COL8A1: variants seen among roughly 807,000 people sequenced by gnomAD.
The protein encoded by COL8A1 is collagen alpha-1(VIII) chain.
A neutral mutation model predicts 42.7 loss-of-function variants in COL8A1; 21 were observed. That is an observed-to-expected ratio of 0.49 (90% CI 0.35 to 0.71). COL8A1 has a LOEUF of 0.71. Among genes scored for constraint, COL8A1 ranks in the 30% least tolerant of loss-of-function variants. The pLI is 0.01. For synonymous variants in COL8A1, 367 were observed against 369.1 expected (o/e 0.99, Z 0.06); for missense variants, 788 against 962.4 (o/e 0.82, Z 2.40).
At chr3:99,649,899 G>A (rs902964211) in intron 1 of COL8A1, among the ~76,000 whole-genome samples, 8 of 152,012 alleles carry the variant, frequency 5.3e-5, no homozygotes, top group Admixed American at 1.3e-4. Flanking sequence ...TATTAATATT[G>A]GTGCTCCATA....
chr3:99,649,185 C>T (rs1937755896), intron 1 of COL8A1, among the ~76,000 whole-genome samples: 1 of 152,030 alleles, frequency 6.6e-6, no homozygotes, highest in Non-Finnish European at 1.5e-5. Context: ...CAAGCTGCCT[C>T]GTGGATCTCC....
At chr3:99,681,602 C>T (rs1938884491) in intron 1 of COL8A1, among the ~76,000 whole-genome samples, 1 of 152,176 alleles carries the variant, frequency 6.6e-6, no homozygotes, top group South Asian at 2.1e-4. Flanking sequence ...AGACCAGCTG[C>T]TCTCTATTTC....
chr3:99,732,670 C>G (rs969766521), intron 1 of COL8A1, among the ~76,000 whole-genome samples: 1 of 152,068 alleles, frequency 6.6e-6, no homozygotes, highest in Non-Finnish European at 1.5e-5. Context: ...CAAACCATAT[C>G]ATTCTGCCCC....
At chr3:99,793,900 T>C (rs956139565) in intron 3 of COL8A1, among the ~76,000 whole-genome samples, 12 of 152,208 alleles carry the variant, frequency 7.9e-5, no homozygotes, top group Admixed American at 2.0e-4. Flanking sequence ...TACAGGCATG[T>C]GCCACCACAC....
chr3:99,642,140 C>G (rs147360515), intron 1 of COL8A1, among the ~76,000 whole-genome samples: 2 of 152,278 alleles, frequency 1.3e-5, no homozygotes, highest in East Asian at 3.9e-4. Flanking sequence ...TATTAAACTT[C>G]CCCTTTCTAG....
intron 2 of COL8A1, among the ~76,000 whole-genome samples, chr3:99,749,243 C>G (rs1263543590): frequency 1.3e-5 from 2 of 151,598 alleles, no homozygotes; most frequent in Non-Finnish European, 2.9e-5. Context: ...GGCTCAAGTA[C>G]CATGCTAAGA....
intron 1 of COL8A1, among the ~76,000 whole-genome samples, chr3:99,713,018 G>A (rs1193143706): frequency 2.0e-5 from 3 of 152,118 alleles, no homozygotes; most frequent in Admixed American, 6.6e-5. Context: ...TGCAATGTGA[G>A]CAAGGTGGAA....
intron 2 of COL8A1, among the ~76,000 whole-genome samples, chr3:99,765,497 A>G (rs1941447146): frequency 6.6e-6 from 1 of 152,212 alleles, no homozygotes; most frequent in African/African-American, 2.4e-5. Flanking sequence ...AAGTATATGC[A>G]CCAGTCTAAT....
chr3:99,660,179 C>T (rs185361429), intron 1 of COL8A1, among the ~76,000 whole-genome samples: 4 of 152,112 alleles, frequency 2.6e-5, no homozygotes, highest in East Asian at 1.9e-4. Flanking sequence ...AAAGTTCCAG[C>T]GGGGAAAGAA....
intron 1 of COL8A1, among the ~76,000 whole-genome samples, chr3:99,718,023 G>C (rs964459984): frequency 6.6e-6 from 1 of 151,812 alleles, no homozygotes; most frequent in Non-Finnish European, 1.5e-5. Flanking sequence ...TTCCCCAAAT[G>C]CACAATAATC....
Position 99,708,441 on chromosome 3 carries a change from C to T in COL8A1, c.-128-36456C>T, listed in dbSNP as rs1266423039. Among the ~76,000 whole-genome samples the T allele has an allele frequency of 5.9e-5, 9 of 152,298 alleles. No individual in the cohort carries two copies. The South Asian group carries it at 1.7e-3, about 28-fold the overall frequency. The stretch of plus-strand genomic sequence containing the variant: ...AAAGCTAAGACACTCACTTCTCTAA[C>T]TTGGCCCATTGGCTTGCCTTGCCAG... On this transcript the variant is annotated intron_variant, in intron 1 of 3. Coordinates refer to ENST00000652472, the MANE Select transcript of COL8A1 (RefSeq NM_020351.4).
chr3:99,683,945 G>T (rs1486575129), intron 1 of COL8A1, among the ~76,000 whole-genome samples: 2 of 152,080 alleles, frequency 1.3e-5, no homozygotes. Context: ...TTAGGTTTTG[G>T]GGCCAAAAAC....
intron 1 of COL8A1, among the ~76,000 whole-genome samples, chr3:99,739,681 G>T (rs1940842797): frequency 6.6e-6 from 1 of 152,134 alleles, no homozygotes. Context: ...TGGAACACAG[G>T]GCACCAAGTC....
intron 1 of COL8A1, among the ~76,000 whole-genome samples, chr3:99,727,203 G>A (rs1940360045): frequency 1.3e-5 from 2 of 152,060 alleles, no homozygotes; most frequent in Non-Finnish European, 2.9e-5. Context: ...CTCATGATTT[G>A]GCTCTCTGTT....
Position 99,688,123 on chromosome 3 carries a change from TTTATG to T in COL8A1, c.-129+49464_-129+49468del, listed in dbSNP as rs557718186. Among the ~76,000 whole-genome samples the T allele has an allele frequency of 1.6e-4, 25 of 152,340 alleles. 1 individual carries two copies. Among genetic ancestry groups the T allele is most frequent in the South Asian group, 4.1e-4 (2 of 4,834 alleles). ...TAATACAGTGAAAATATGAAATCTA[TTTATG>T]TTATATGTGGAAACACATATCTGCT... On this transcript the variant is annotated intron_variant, in intron 1 of 3. Transcript: ENST00000652472.
intron 1 of COL8A1, among the ~76,000 whole-genome samples, chr3:99,639,342 T>C (rs1378296957): frequency 1.3e-5 from 2 of 152,196 alleles, no homozygotes. Context: ...ACTAAGAAAG[T>C]GTATAAAAGA....
At chr3:99,659,329 C>T (rs1038537356) in intron 1 of COL8A1, among the ~76,000 whole-genome samples, 5 of 152,342 alleles carry the variant, frequency 3.3e-5, no homozygotes, top group Middle Eastern at 3.4e-3. Context: ...TAACTTCTCA[C>T]GGCTGCCTCC....
chr3:99,699,704 C>A (rs1016121772), intron 1 of COL8A1, among the ~76,000 whole-genome samples: 1 of 152,088 alleles, frequency 6.6e-6, no homozygotes, highest in Non-Finnish European at 1.5e-5. Context: ...GGGAAAAAAC[C>A]GAGCTAAAAC....
In COL8A1 at chr3:99,750,461, C is replaced by G. The variant is rs188469779; in HGVS notation, c.-4+5440C>G. On this transcript the variant is annotated intron_variant, in intron 2 of 3. Coordinates refer to ENST00000652472, the MANE Select transcript of COL8A1 (RefSeq NM_020351.4). ...AGACAGTTTTGTGCCCTCATGTATA[C>G]TCTTTTGTAAATTTTTCAAAAAAAC... Among the ~76,000 whole-genome samples, 383 of 152,142 alleles carry G rather than the reference C, an allele frequency of 2.5e-3. 10 individuals are homozygous for G. The highest frequency in any genetic ancestry group is 9.1e-4 in the Non-Finnish European group (62 of 68,000).
Sources: allele counts gnomAD v4.1 joint callset (sites outside exome capture counted in the v4.1 genomes callset), GRCh38; gene constraint gnomAD v4.1.1; transcripts MANE v1.5; gene names NCBI Gene and HGNC (gene_info 2026-07-23, HGNC 2026-07-21).